The following PSME4 variants were observed in gnomAD, a reference collection of about 807,000 sequenced individuals.
The protein encoded by PSME4 is proteasome activator subunit 4.
In PSME4, 89 loss-of-function variants were observed where a neutral mutation model predicts 253.9. That is an observed-to-expected ratio of 0.35 (90% CI 0.30 to 0.42). The LOEUF (loss-of-function observed/expected upper bound fraction) is 0.42. Ranked by LOEUF, PSME4 falls within the 10% of genes least tolerant of loss-of-function variation. The pLI is 1.00. For synonymous variants in PSME4, 851 were observed against 759.2 expected, an observed-to-expected ratio of 1.12 and a Z score of -1.99; for missense variants, 2,014 against 2,195.2, an observed-to-expected ratio of 0.92 and a Z score of 1.65.
rs1315099448 is a variant in PSME4, at chr2:53,906,681, T to C, written c.2860A>G (p.Thr954Ala). 1.2e-6 allele frequency: 2 copies of C among 1,600,190 alleles called. No homozygotes were observed. The highest frequency in any genetic ancestry group is 2.2e-5 in the South Asian group (2 of 88,910). ...TTTTTGTATTCACAACCCTCAACAG[T>C]TAGTGTCCGTAGCTAAGAAAACAAT... Reference protein sequence around the residue: ...VMLQHELRTLTVEGCEYKKIH... With the variant: ...VMLQHELRTLAVEGCEYKKIH... The change falls in exon 26 of 47, where the codon ACT (threonine) becomes GCT (alanine). Residue 954 changes from threonine to alanine, a missense_variant. Physicochemically the swap from Thr to Ala is moderately conservative, Grantham distance 58 (BLOSUM62 0). Coordinates refer to ENST00000404125, the MANE Select transcript of PSME4 (RefSeq NM_014614.3).
chr2:53,929,781 G>T (rs559040912), intron 10 of PSME4, among the ~76,000 whole-genome samples: 2 of 152,190 alleles, frequency 1.3e-5, no homozygotes, highest in African/African-American at 4.8e-5. Flanking sequence ...ACTTTGGGAG[G>T]CCAAGGCAGG....
rs1338530522 is a variant in PSME4 at position 53,940,971 on chromosome 2, A to T, written c.501-971T>A. 1.9e-3 allele frequency among the ~76,000 whole-genome samples: 111 copies of T among 59,330 alleles called. 16 individuals are homozygous for T. The highest frequency in any genetic ancestry group is 2.5e-3 in the African/African-American group (48 of 19,018). The allele number at this position is 59,330 out of a possible 152,430, so 38.9% of individuals were successfully genotyped here. ...TATATACATATATATATATATATAT[A>T]TATATATATATATATATATATATAT... On this transcript the variant is annotated intron_variant, in intron 3 of 46. Coordinates refer to ENST00000404125, the MANE Select transcript of PSME4 (RefSeq NM_014614.3).
intron 41 of PSME4, among the ~76,000 whole-genome samples, chr2:53,883,910 T>TA (rs1258940754): frequency 6.6e-6 from 1 of 152,208 alleles, no homozygotes; most frequent in East Asian, 1.9e-4. Flanking sequence ...TCTTCACTTA[T>TA]AAAAGCATCT....
At chr2:53,915,810 C>T (rs951850804) in intron 20 of PSME4, among the ~76,000 whole-genome samples, 34 of 152,034 alleles carry the variant, frequency 2.2e-4, no homozygotes, top group African/African-American at 8.0e-4. Flanking sequence ...GTGGCTCATG[C>T]CTATAATCCC....
Position 53,864,358 on chromosome 2 carries a change from CAT to C in PSME4, c.*1218_*1219del, listed in dbSNP as rs1429090383. On this transcript the variant is annotated 3_prime_UTR_variant, in exon 47 of 47. Transcript: ENST00000404125. ...ACTCTATAAACTTGTCATAGGCAAA[CAT>C]GTGGTGTTAGCATTGAGAGATGCAC... The C allele has an allele frequency of 4.0e-5, 6 of 151,764 alleles. No individual in the cohort carries two copies. Among genetic ancestry groups the C allele is most frequent in the Admixed American group, 1.3e-4 (2 of 15,188 alleles). The allele number at this position is 151,764 out of a possible 1,614,324, so 9.4% of individuals were successfully genotyped here.
chr2:53,904,607 A>C, intron 26 of PSME4, among the ~76,000 whole-genome samples: 1 of 152,250 alleles, frequency 6.6e-6, no homozygotes, highest in East Asian at 1.9e-4. Flanking sequence ...GGCAAACCTT[A>C]AGTACAATCT....
At chr2:53,951,373 C>T (rs759147204) in intron 1 of PSME4, among the ~76,000 whole-genome samples, 32 of 152,208 alleles carry the variant, frequency 2.1e-4, no homozygotes, top group Non-Finnish European at 4.0e-4. Context: ...TGAGCCACTG[C>T]GCCCAGCACT....
chr2:53,959,275 G>C (rs1434425124), intron 1 of PSME4, among the ~76,000 whole-genome samples: 1 of 152,158 alleles, frequency 6.6e-6, no homozygotes, highest in Non-Finnish European at 1.5e-5. Flanking sequence ...TGAGGCAGGA[G>C]AATCGCTGGA....
intron 41 of PSME4, among the ~76,000 whole-genome samples, chr2:53,882,925 A>C (rs1281415960): frequency 1.3e-5 from 2 of 151,948 alleles, no homozygotes; most frequent in African/African-American, 4.8e-5. Context: ...AAATAAGATA[A>C]ATATAAATAA....
chr2:53,970,433 C>G, intron 1 of PSME4, 110 bp downstream of exon 1: 2 of 1,493,886 alleles, frequency 1.3e-6, no homozygotes, highest in South Asian at 1.3e-5. Flanking sequence ...GGGACAGCTC[C>G]AGCGAGGACA....
rs1421093046 is a variant in PSME4 at position 53,896,822 on chromosome 2, T to C, written c.3670A>G (p.Ile1224Val). 6 of 1,608,662 alleles carry C rather than the reference T, an allele frequency of 3.7e-6. No homozygotes were observed. The highest frequency in any genetic ancestry group is 5.1e-6 in the Non-Finnish European group (6 of 1,175,172). ...TACTCACTGATTTCACAGGGGTTAA[T>C]GGTCAGCTTTTTGTGGGTTCTTTTT... Reference protein sequence around the residue: ...QLKRTHKKLTINPCEISGCPK... With the variant: ...QLKRTHKKLTVNPCEISGCPK... Residue 1224 changes from isoleucine (I) to valine (V), a missense_variant, in exon 32 of 47, where the codon ATT becomes GTT. This residue lies in a region of PSME4 where 989 missense variants were observed against 1,021.1 expected (regional missense o/e 0.97). Transcript: ENST00000404125.
At chr2:53,904,290 C>G (rs1004200753) in intron 26 of PSME4, 134 bp from the exon 27 acceptor site, 3 of 886,478 alleles carry the variant, frequency 3.4e-6, no homozygotes, top group Non-Finnish European at 5.0e-6. Context: ...AAGCACGTAC[C>G]CTAAAAAAGA....
chr2:53,885,834 T>A, intron 40 of PSME4, 59 bp from the exon 41 acceptor site: 1 of 1,214,008 alleles, frequency 8.2e-7, no homozygotes, highest in Non-Finnish European at 1.2e-6. Flanking sequence ...GACCACAAAG[T>A]AGAACAATAT....
chr2:53,922,982 AG>A, intron 16 of PSME4, 66 bp downstream of exon 16: 1 of 1,229,274 alleles, frequency 8.1e-7, no homozygotes, highest in Non-Finnish European at 1.1e-6. Context: ...TCATTAACAG[AG>A]TTTTAGAAAC....
intron 26 of PSME4, among the ~76,000 whole-genome samples, 171 bp from the exon 27 acceptor site, chr2:53,904,327 A>C (rs1015450771): frequency 6.6e-6 from 1 of 152,220 alleles, no homozygotes; most frequent in Admixed American, 6.5e-5. Context: ...TACTTATATC[A>C]AAAGGAAAGC....
chr2:53,924,344 T>C lies in PSME4; in HGVS notation c.1810-925A>G, dbSNP rs374272967. ...GGCAGTTTGGCTTCTAGGATTAACATATTTAACAGTGATAATTACAGATGA... is the reference window on the plus strand; with the variant it reads ...GGCAGTTTGGCTTCTAGGATTAACACATTTAACAGTGATAATTACAGATGA... On this transcript the variant is annotated intron_variant, in intron 14 of 46. Coordinates refer to ENST00000404125, the MANE Select transcript of PSME4 (RefSeq NM_014614.3). 5.9e-5 allele frequency among the ~76,000 whole-genome samples: 9 copies of C among 152,332 alleles called. No homozygotes were observed. In the South Asian group the frequency reaches 1.7e-3, roughly 28 times the overall value.
intron 1 of PSME4, among the ~76,000 whole-genome samples, chr2:53,953,521 T>C (rs2104480564): frequency 6.8e-6 from 1 of 147,208 alleles, no homozygotes. Context: ...AAAGAAGAAC[T>C]ATGCAGGGTA....
intron 16 of PSME4, 140 bp from the exon 17 acceptor site, chr2:53,922,724 C>A: frequency 8.9e-7 from 1 of 1,122,130 alleles, no homozygotes; most frequent in Non-Finnish European, 1.2e-6. Flanking sequence ...CTTCATGAAG[C>A]TGAGCTTGTT....
In PSME4 at chr2:53,892,941, T is replaced by C; in HGVS notation, c.4058A>G (p.Asp1353Gly). Reference protein sequence around the residue: ...CLFKGIFRNFDDAFLPVLKPH... With the variant: ...CLFKGIFRNFGDAFLPVLKPH... ...CTTCAGAACTGGCAGGAAGGCATCA[T>C]CAAAATTCCTGAATATACCCTATAA... Residue 1353 changes from aspartate to glycine, a missense_variant, in exon 36 of 47, where the codon GAT becomes GGT. This residue lies in a region of PSME4 where 989 missense variants were observed against 1,021.1 expected (regional missense o/e 0.97). Transcript: ENST00000404125. 6.2e-6 allele frequency: 10 copies of C among 1,613,184 alleles called. No homozygotes were observed. The highest frequency in any genetic ancestry group is 8.5e-6 in the Non-Finnish European group (10 of 1,179,678).
Sources: allele counts gnomAD v4.1 joint callset (sites outside exome capture counted in the v4.1 genomes callset), GRCh38; gene constraint gnomAD v4.1.1; regional missense constraint gnomAD v4.1.1; transcripts MANE v1.5; gene names NCBI Gene and HGNC (gene_info 2026-07-23, HGNC 2026-07-21).